CRACDL: variants seen among roughly 807,000 people sequenced by gnomAD.
The protein encoded by CRACDL is CRACD-like protein.
CRACDL carries 26 observed loss-of-function variants against 70.6 expected under a neutral mutation model. The observed-to-expected ratio is 0.37, with a 90% CI of 0.27 to 0.51. CRACDL has a LOEUF of 0.51. CRACDL is among the 20% of genes least tolerant of loss of function. CRACDL has a pLI of 0.94. For missense variants in CRACDL, 1,283 were observed against 1,376.9 expected (o/e 0.93, Z 1.08); for synonymous variants, 618 against 615.2 (o/e 1.00, Z -0.07).
chr2:98,931,464 A>G lies in CRACDL; in HGVS notation c.-11+4474T>C, dbSNP rs79185015. On this transcript the variant is annotated intron_variant, in intron 1 of 9. Coordinates refer to ENST00000397899, the MANE Select transcript of CRACDL (RefSeq NM_207362.3). ...AGTGTTTCCGAGAGTAGTTTCTTGG[A>G]AACTGCACACCCCGCAGCTAATGGT... Among the ~76,000 whole-genome samples the G allele has an allele frequency of 8.5e-3, 1,300 of 152,274 alleles. 21 individuals are homozygous for G. Among genetic ancestry groups the G allele is most frequent in the African/African-American group, 0.03 (1,254 of 41,532 alleles).
rs1703693712 is a variant in CRACDL, at chr2:98,793,898, C to T, written c.*634G>A. 1 of 152,686 alleles carries T rather than the reference C, an allele frequency of 6.5e-6. No homozygotes were observed. The highest frequency in any genetic ancestry group is 2.1e-4 in the South Asian group (1 of 4,832). The allele number at this position is 152,686 out of a possible 1,614,324, so 9.5% of individuals were successfully genotyped here. On this transcript the variant is annotated 3_prime_UTR_variant, in exon 10 of 10. Transcript: ENST00000397899. ...CAATGCATTGTGCAGTGGTTAAAGA[C>T]ACAGATGCCTAGTGGAAAAGTTTAA...
rs538358283 is a variant in CRACDL at position 98,796,690 on chromosome 2, G to A, written c.2605-426C>T. ...GTATAATTGAGGTTCTGGTTAAAAC[G>A]AGGGGAAGCAGGTCCTAATGCAGGC... On this transcript the variant is annotated intron_variant, in intron 8 of 9. Transcript: ENST00000397899. 2.0e-4 allele frequency among the ~76,000 whole-genome samples: 30 copies of A among 152,284 alleles called. No individual in the cohort carries two copies. In the East Asian group the frequency reaches 5.4e-3, roughly 27 times the overall value.
At chr2:98,806,071 C>T (rs945071248) in intron 7 of CRACDL, among the ~76,000 whole-genome samples, 2 of 152,074 alleles carry the variant, frequency 1.3e-5, no homozygotes, top group African/African-American at 4.8e-5. Flanking sequence ...CATTTATTTA[C>T]GAGGGCCTCA....
At chr2:98,889,025 G>A (rs930872811) in intron 1 of CRACDL, among the ~76,000 whole-genome samples, 1 of 151,796 alleles carries the variant, frequency 6.6e-6, no homozygotes, top group Non-Finnish European at 1.5e-5. Flanking sequence ...CTACTCGGGA[G>A]GCTGAGGCAA....
intron 1 of CRACDL, among the ~76,000 whole-genome samples, chr2:98,899,495 C>T (rs1356788895): frequency 2.0e-5 from 3 of 152,218 alleles, no homozygotes; most frequent in Non-Finnish European, 2.9e-5. Context: ...TGTGGAACAC[C>T]TGGGACTGCA....
intron 1 of CRACDL, among the ~76,000 whole-genome samples, chr2:98,883,376 C>T (rs550606075): frequency 6.6e-6 from 1 of 152,340 alleles, no homozygotes; most frequent in African/African-American, 2.4e-5. Context: ...CCACAATCCA[C>T]CTCCCAGAAC....
At chr2:98,916,806 T>TG (rs1708677033) in intron 1 of CRACDL, among the ~76,000 whole-genome samples, 1 of 151,950 alleles carries the variant, frequency 6.6e-6, no homozygotes, top group Non-Finnish European at 1.5e-5. Context: ...AGTCCCTGAG[T>TG]GGGGGCATGG....
chr2:98,884,538 C>T (rs151245882), intron 1 of CRACDL, among the ~76,000 whole-genome samples: 98 of 152,162 alleles, frequency 6.4e-4, no homozygotes, highest in Non-Finnish European at 1.1e-3. Flanking sequence ...CATGGATGAT[C>T]CTATATACAC....
chr2:98,854,131 A>C (rs1022603243), intron 1 of CRACDL, among the ~76,000 whole-genome samples: 3 of 151,798 alleles, frequency 2.0e-5, no homozygotes, highest in Non-Finnish European at 1.5e-5. Context: ...AAAATACAAA[A>C]ATTAGCTGGG....
chr2:98,826,876 T>C, intron 6 of CRACDL, 99 bp downstream of exon 6: 1 of 730,904 alleles, frequency 1.4e-6, no homozygotes, highest in Non-Finnish European at 2.1e-6. Context: ...AGAGGGGGCA[T>C]GAGACCCTGT....
chr2:98,897,483 T>C, intron 1 of CRACDL: 1 of 944,586 alleles, frequency 1.1e-6, no homozygotes, highest in Non-Finnish European at 1.5e-6. Context: ...TGACTTCTGC[T>C]GAAACAGATG....
At chr2:98,795,077 A>ATATATTTTTT in intron 9 of CRACDL, among the ~76,000 whole-genome samples, 35 of 58,482 alleles carry the variant, frequency 6.0e-4, no homozygotes, top group South Asian at 9.8e-4. Flanking sequence ...ATATATATAT[A>ATATATTTTTT]TTTTTTTTTT....
intron 1 of CRACDL, among the ~76,000 whole-genome samples, chr2:98,848,615 A>T (rs989924421): frequency 3.3e-5 from 5 of 152,140 alleles, no homozygotes; most frequent in African/African-American, 1.2e-4. Flanking sequence ...ATCCCCAAGA[A>T]CTTTTAATAT....
intron 1 of CRACDL, among the ~76,000 whole-genome samples, chr2:98,860,646 T>C (rs1160698688): frequency 6.6e-6 from 1 of 152,212 alleles, no homozygotes; most frequent in Non-Finnish European, 1.5e-5. Flanking sequence ...TAGATCTAAA[T>C]TGTAAGTGCT....
At chr2:98,925,342 T>C (rs1267172058) in intron 1 of CRACDL, among the ~76,000 whole-genome samples, 1 of 152,220 alleles carries the variant, frequency 6.6e-6, no homozygotes, top group African/African-American at 2.4e-5. Flanking sequence ...GGACACTTCC[T>C]GACACTGTTT....
chr2:98,914,290 G>GC (rs1047765556), intron 1 of CRACDL, among the ~76,000 whole-genome samples: 1 of 152,206 alleles, frequency 6.6e-6, no homozygotes, highest in Non-Finnish European at 1.5e-5. Context: ...CCAGCTCCCA[G>GC]CCCCCCACAG....
chr2:98,853,012 G>A (rs1241302482), intron 1 of CRACDL, among the ~76,000 whole-genome samples: 3 of 127,144 alleles, frequency 2.4e-5, no homozygotes, highest in East Asian at 5.4e-4. Context: ...GGAGGGGAGG[G>A]GAGGGGAAGG....
chr2:98,835,051 A>G (rs918994486), intron 3 of CRACDL, among the ~76,000 whole-genome samples: 3 of 152,226 alleles, frequency 2.0e-5, no homozygotes, highest in Non-Finnish European at 4.4e-5. Flanking sequence ...AGGGATAAGG[A>G]AATTATTATA....
At position 98,822,818 on chromosome 2, in the gene CRACDL, C is replaced by T; in HGVS notation, c.1455G>A (p.Thr485=). 7.2e-7 allele frequency: 1 copy of T among 1,392,186 alleles called. No individual in the cohort carries two copies. 86.2% of individuals were successfully genotyped at this position (1,392,186 alleles called of 1,614,324 possible). The stretch of plus-strand genomic sequence containing the variant: ...GCGCCGGCGGGCTCGGGGCGGGCGC[C>T]GTGGAGGGCTCGGTCCCAATTCTCT... ...EPERIGTEPS[T]APAPSPPAPK... Residue 485 remains threonine, a synonymous_variant, in exon 7 of 10, where the codon ACG becomes ACA. Transcript: ENST00000397899. This position sits in a 1 kb window ranked among gnomAD's most constrained non-coding sequence, Gnocchi z 4.9.
Sources: gnomAD v4.1 joint callset for allele counts (sites outside exome capture counted in the v4.1 genomes callset) on GRCh38, gnomAD v4.1.1 for gene constraint, Gnocchi (gnomAD v3.1) non-coding constraint, MANE v1.5 for transcripts, NCBI Gene and HGNC (gene_info 2026-07-23, HGNC 2026-07-21) for gene names.